Variants in ALMS1 observed in about 807,000 individuals in gnomAD.
The protein encoded by ALMS1 is centrosome-associated protein ALMS1.
A neutral mutation model predicts 352.2 loss-of-function variants in ALMS1; 271 were observed. That is an observed-to-expected ratio of 0.77 (90% CI 0.70 to 0.85). The LOEUF (loss-of-function observed/expected upper bound fraction) is 0.85. Among genes scored for constraint, ALMS1 ranks in the 40% least tolerant of loss-of-function variants. The probability of loss-of-function intolerance (pLI) is 0.00; values close to 1 mark genes in which losing one functional copy is unlikely to be tolerated. For synonymous variants in ALMS1, 1,865 were observed against 1,761.2 expected, an observed-to-expected ratio of 1.06 and a Z score of -1.48; for missense variants, 5,445 against 4,870.7, an observed-to-expected ratio of 1.12 and a Z score of -3.51.
chr2:73,469,116 A>G (rs72909371), intron 9 of ALMS1, among the ~76,000 whole-genome samples: 4,358 of 152,042 alleles, frequency 0.029, 214 homozygotes, highest in African/African-American at 0.098. Context: ...TCTGTTTGGT[A>G]ATGAAGAGAA....
chr2:73,458,174 T>C (rs2103805094), intron 9 of ALMS1: 1 of 152,194 alleles, frequency 6.6e-6, no homozygotes, highest in Non-Finnish European at 1.5e-5. Flanking sequence ...ATTAACTGAG[T>C]AGTTGCGAAA....
chr2:73,449,055 C>T lies in ALMS1; in HGVS notation c.2528C>T (p.Pro843Leu). ...CTGAAAGTTTCAGCTGTTTCTGGAC[C>T]AGCTGACGGAAAGACTGGGACACCA... ...EALKVSAVSG[P>L]ADGKTGTPAV... The change falls in exon 8 of 23, where the codon CCA becomes CTA. Residue 843 changes from proline (P) to leucine (L), a missense_variant. Transcript: ENST00000613296. 2.5e-6 allele frequency: 4 copies of T among 1,614,050 alleles called. No homozygotes were observed. The highest frequency in any genetic ancestry group is 2.2e-5 in the East Asian group (1 of 44,852).
At chr2:73,474,395 G>C (rs113672742) in intron 9 of ALMS1, among the ~76,000 whole-genome samples, 17 of 60,410 alleles carry the variant, frequency 2.8e-4, no homozygotes, top group Admixed American at 4.9e-4. Context: ...GTGTGTGTGT[G>C]TGTGTGTGTG....
intron 9 of ALMS1, chr2:73,458,136 C>G (rs1672110937): frequency 6.7e-6 from 1 of 149,436 alleles, no homozygotes; most frequent in African/African-American, 2.4e-5. Flanking sequence ...TTGTGTTTCA[C>G]CATCTTATGA....
chr2:73,453,591 G>A lies in ALMS1; in HGVS notation c.7064G>A (p.Ser2355Asn). Residue 2355 changes from serine to asparagine, a missense_variant, in exon 8 of 23, where the codon AGT (serine) becomes AAT (asparagine). Physicochemically the swap from Ser to Asn is conservative, Grantham distance 46. Coordinates refer to ENST00000613296, the MANE Select transcript of ALMS1 (RefSeq NM_001378454.1). ...RRGIENWEFI[S>N]STTVRSPLQE... ...GGCATTGAAAATTGGGAGTTTATTAGTTCAACTACAGTTAGAAGTCCTCTA... is the reference window on the plus strand; with the variant it reads ...GGCATTGAAAATTGGGAGTTTATTAATTCAACTACAGTTAGAAGTCCTCTA... 1 of 1,613,946 alleles carries A rather than the reference G, an allele frequency of 6.2e-7. No individual in the cohort carries two copies. The highest frequency in any genetic ancestry group is 8.5e-7 in the Non-Finnish European group (1 of 1,180,004).
At chr2:73,554,691 G>A (rs1278408899) in intron 13 of ALMS1, among the ~76,000 whole-genome samples, 5 of 152,096 alleles carry the variant, frequency 3.3e-5, no homozygotes, top group Admixed American at 2.0e-4. Flanking sequence ...CCAGCCTGTC[G>A]TATTTAAAAT....
chr2:73,471,668 C>A (rs1312380937), intron 9 of ALMS1, among the ~76,000 whole-genome samples: 1 of 151,824 alleles, frequency 6.6e-6, no homozygotes, highest in Non-Finnish European at 1.5e-5. Context: ...AATGACTGAA[C>A]ACTTCATATC....
intron 7 of ALMS1, among the ~76,000 whole-genome samples, chr2:73,441,798 GT>G (rs952281228): frequency 5.3e-5 from 8 of 151,698 alleles, no homozygotes; most frequent in African/African-American, 1.9e-4. Flanking sequence ...TTGTCTTTTG[GT>G]TTCTAGGGAA....
intron 1 of ALMS1, among the ~76,000 whole-genome samples, 155 bp from the exon 2 acceptor site, chr2:73,408,467 G>A (rs376665842): frequency 6.6e-6 from 1 of 152,168 alleles, no homozygotes; most frequent in African/African-American, 2.4e-5. Flanking sequence ...GTAACCTTAA[G>A]GATAATAGCT....
intron 9 of ALMS1, among the ~76,000 whole-genome samples, chr2:73,464,879 C>G (rs1451561299): frequency 6.6e-6 from 1 of 152,104 alleles, no homozygotes; most frequent in Non-Finnish European, 1.5e-5. Flanking sequence ...CCTAGGAATC[C>G]AACTTACAAG....
intron 9 of ALMS1, among the ~76,000 whole-genome samples, chr2:73,483,788 T>G (rs1387636699): frequency 6.0e-4 from 88 of 147,678 alleles, no homozygotes; most frequent in Middle Eastern, 3.5e-3. Flanking sequence ...TTAGGATAGT[T>G]AGCTCTTCTT....
In ALMS1 at chr2:73,455,249, T is replaced by C; in HGVS notation, c.7628T>C (p.Ile2543Thr). Reference protein sequence around the residue: ...NEDDRRKVEEIKAELFGHGRT... With the variant: ...NEDDRRKVEETKAELFGHGRT... ...GATGACAGGAGGAAAGTAGAAGAGA[T>C]CAAGGCAGAGTTATTTGGTCATGGA... is the stretch of plus-strand genomic sequence containing the variant. Residue 2543 changes from isoleucine (I) to threonine (T), a missense_variant, in exon 9 of 23, where the codon ATC becomes ACC. Ile to Thr is a moderately conservative substitution (Grantham distance 89). Transcript: ENST00000613296. The C allele has an allele frequency of 6.2e-7, 1 of 1,614,100 alleles. No individual in the cohort carries two copies. Among genetic ancestry groups the C allele is most frequent in the Non-Finnish European group, 8.5e-7 (1 of 1,180,000 alleles).
intron 12 of ALMS1, among the ~76,000 whole-genome samples, chr2:73,535,840 T>A (rs1451845530): frequency 6.6e-6 from 1 of 152,142 alleles, no homozygotes; most frequent in Non-Finnish European, 1.5e-5. Context: ...AGACAAATTG[T>A]TTTTTCCATG....
chr2:73,606,533 T>G (rs948235974), intron 21 of ALMS1, among the ~76,000 whole-genome samples: 1 of 152,244 alleles, frequency 6.6e-6, no homozygotes, highest in Non-Finnish European at 1.5e-5. Flanking sequence ...GAGAAATATA[T>G]GAGTGGATTT....
chr2:73,521,406 G>A (rs1673671834), intron 11 of ALMS1, among the ~76,000 whole-genome samples: 1 of 151,958 alleles, frequency 6.6e-6, no homozygotes. Context: ...CCTAGAGTGT[G>A]GTGTTCTCAT....
intron 12 of ALMS1, among the ~76,000 whole-genome samples, chr2:73,546,757 C>T (rs1573010521): frequency 6.6e-6 from 1 of 152,184 alleles, no homozygotes; most frequent in East Asian, 1.9e-4. Context: ...TGGGGAAAGC[C>T]CCTGAAGCAG....
chr2:73,489,048 G>A (rs531875701), intron 9 of ALMS1, among the ~76,000 whole-genome samples: 35 of 152,322 alleles, frequency 2.3e-4, no homozygotes, highest in Admixed American at 9.1e-4. Context: ...AGGGACCCAA[G>A]CTGGCTGGAC....
intron 2 of ALMS1, among the ~76,000 whole-genome samples, chr2:73,414,545 A>T (rs1483484110): frequency 9.8e-6 from 1 of 102,448 alleles, no homozygotes; most frequent in Non-Finnish European, 1.9e-5. Flanking sequence ...TACTTGATCT[A>T]CTTTGTGTTC....
chr2:73,486,887 A>G (rs1672860048), intron 9 of ALMS1, among the ~76,000 whole-genome samples: 1 of 152,082 alleles, frequency 6.6e-6, no homozygotes, highest in Non-Finnish European at 1.5e-5. Context: ...CAGTCTCTAC[A>G]AAAATAAAAA....
Sources: allele counts gnomAD v4.1 joint callset (sites outside exome capture counted in the v4.1 genomes callset), GRCh38; gene constraint gnomAD v4.1.1; transcripts MANE v1.5; gene names NCBI Gene and HGNC (gene_info 2026-07-23, HGNC 2026-07-21).